RETREG1: variants seen among roughly 807,000 people sequenced by gnomAD.
RETREG1 encodes family with sequence similarity 134 member B.
A neutral mutation model predicts 54.8 loss-of-function variants in RETREG1; 44 were observed. The ratio of observed to expected loss-of-function variants is 0.80; its 90% confidence interval spans 0.63 to 1.03. The LOEUF (loss-of-function observed/expected upper bound fraction) is 1.03, where lower values mean the gene tolerates loss of function less well. RETREG1 is among the 50% of genes least tolerant of loss of function. The pLI, the probability that RETREG1 is intolerant of heterozygous loss-of-function variation, is 0.00. For missense variants in RETREG1, 554 were observed against 605.1 expected (o/e 0.92, Z 0.89); for synonymous variants, 217 against 238.5 (o/e 0.91, Z 0.83).
In RETREG1 at chr5:16,597,520, A is replaced by G. The variant is rs1358059698; in HGVS notation, c.320+19132T>C. ...CTTGGGGAGTCCAGGAGTCTCTCTCAGGATGGCATTCTGCACTGGGCAAGG... is the reference window on the plus strand; with the variant it reads ...CTTGGGGAGTCCAGGAGTCTCTCTCGGGATGGCATTCTGCACTGGGCAAGG... On this transcript the variant is annotated intron_variant, in intron 1 of 8. Transcript: ENST00000306320. The surrounding 1 kb of genome is among the most constrained non-coding windows in gnomAD (Gnocchi z 4.3). 6.6e-6 allele frequency among the ~76,000 whole-genome samples: 1 copy of G among 152,152 alleles called. No homozygotes were observed. The highest frequency in any genetic ancestry group is 1.5e-5 in the Non-Finnish European group (1 of 68,030).
At position 16,558,077 on chromosome 5, in the gene RETREG1, GA is replaced by G. The variant is rs540827628; in HGVS notation, c.458+7685del. 1.4e-3 allele frequency among the ~76,000 whole-genome samples: 214 copies of G among 151,788 alleles called. 1 individual carries two copies. The highest frequency in any genetic ancestry group is 2.2e-3 in the African/African-American group (92 of 41,412). Reference sequence around the variant, plus strand: ...AAACAAAAATTTTAAAAAGAAATAAGAAAAAAAATTAATGAAAAAAATAAAA... The same window carrying G: ...AAACAAAAATTTTAAAAAGAAATAAGAAAAAAATTAATGAAAAAAATAAAA... On this transcript the variant is annotated intron_variant, in intron 3 of 8. Coordinates refer to ENST00000306320, the MANE Select transcript of RETREG1 (RefSeq NM_001034850.3).
intron 1 of RETREG1, among the ~76,000 whole-genome samples, chr5:16,588,527 C>A (rs1742676801): frequency 6.6e-6 from 1 of 152,214 alleles, no homozygotes; most frequent in African/African-American, 2.4e-5. Context: ...CTGCCGGCCC[C>A]AAGGTCACTC....
At chr5:16,502,550 A>G (rs1470081623) in intron 3 of RETREG1, among the ~76,000 whole-genome samples, 1 of 152,270 alleles carries the variant, frequency 6.6e-6, no homozygotes, top group Non-Finnish European at 1.5e-5. Context: ...GCGAGAAAAA[A>G]GCAGCAGACA....
chr5:16,583,725 A>T (rs1742553479), intron 1 of RETREG1, among the ~76,000 whole-genome samples: 1 of 152,166 alleles, frequency 6.6e-6, no homozygotes, highest in Non-Finnish European at 1.5e-5. Flanking sequence ...ATGTGTAAAA[A>T]TCTAACCCTC....
intron 3 of RETREG1, among the ~76,000 whole-genome samples, chr5:16,527,944 G>A (rs1473964016): frequency 6.6e-6 from 1 of 151,114 alleles, no homozygotes; most frequent in African/African-American, 2.4e-5. Context: ...CGAGTAGCTG[G>A]GACTACAGAC....
At chr5:16,596,795 A>C (rs1269873322) in intron 1 of RETREG1, among the ~76,000 whole-genome samples, 4 of 152,180 alleles carry the variant, frequency 2.6e-5, no homozygotes, top group Admixed American at 2.6e-4. Flanking sequence ...CGTGACAAAG[A>C]AGCCCTGTGT....
intron 3 of RETREG1, among the ~76,000 whole-genome samples, chr5:16,534,176 A>T (rs1267512758): frequency 6.6e-6 from 1 of 152,088 alleles, no homozygotes; most frequent in Non-Finnish European, 1.5e-5. Flanking sequence ...TTGGCCGGGC[A>T]TGGTGGCTCA....
intron 3 of RETREG1, among the ~76,000 whole-genome samples, chr5:16,502,675 C>T (rs1017472243): frequency 1.2e-4 from 15 of 120,360 alleles, no homozygotes; most frequent in South Asian, 2.3e-4. Context: ...TTGATCTGTT[C>T]GCCATTATAT....
intron 3 of RETREG1, among the ~76,000 whole-genome samples, chr5:16,523,982 C>A (rs578250425): frequency 6.6e-6 from 1 of 152,134 alleles, no homozygotes; most frequent in Non-Finnish European, 1.5e-5. Flanking sequence ...TCTGCCTCAG[C>A]GCCCCTCTCT....
intron 3 of RETREG1, among the ~76,000 whole-genome samples, chr5:16,563,938 T>C (rs1741938848): frequency 6.6e-6 from 1 of 152,216 alleles, no homozygotes; most frequent in African/African-American, 2.4e-5. Flanking sequence ...ATCATATCCA[T>C]TGACAATATA....
intron 3 of RETREG1, among the ~76,000 whole-genome samples, chr5:16,556,124 TAGG>T (rs1741697518): frequency 1.3e-5 from 2 of 152,040 alleles, no homozygotes; most frequent in Non-Finnish European, 2.9e-5. Flanking sequence ...AGCAGCTGTG[TAGG>T]CCCAAGGCAC....
At chr5:16,525,354 C>T (rs1032859138) in intron 3 of RETREG1, among the ~76,000 whole-genome samples, 2 of 152,022 alleles carry the variant, frequency 1.3e-5, no homozygotes, top group Non-Finnish European at 2.9e-5. Flanking sequence ...TGCTGATCTG[C>T]GTCCTTCGAG....
chr5:16,488,564 G>A (rs12519984), intron 3 of RETREG1, among the ~76,000 whole-genome samples: 37,434 of 151,996 alleles, frequency 0.25, 5,309 homozygotes, highest in Admixed American at 0.43. Context: ...CTTCAGCTGA[G>A]GCTTTGCTGG....
At chr5:16,612,971 T>G (rs1194215529) in intron 1 of RETREG1, among the ~76,000 whole-genome samples, 1 of 152,252 alleles carries the variant, frequency 6.6e-6, no homozygotes, top group Non-Finnish European at 1.5e-5. Flanking sequence ...AAATTACATT[T>G]GTAAAATTCA....
intron 3 of RETREG1, among the ~76,000 whole-genome samples, chr5:16,504,055 C>T (rs1464488987): frequency 6.6e-6 from 1 of 152,166 alleles, no homozygotes; most frequent in East Asian, 1.9e-4. Context: ...CTCTCCCTCC[C>T]CCCAACCCAT....
At chr5:16,537,979 G>A (rs901168995) in intron 3 of RETREG1, among the ~76,000 whole-genome samples, 11 of 152,094 alleles carry the variant, frequency 7.2e-5, no homozygotes, top group South Asian at 2.1e-4. Flanking sequence ...TTTTAGAGGC[G>A]GAAGGAACTT....
chr5:16,529,580 A>T (rs1009502092), intron 3 of RETREG1, among the ~76,000 whole-genome samples: 1 of 152,158 alleles, frequency 6.6e-6, no homozygotes, highest in Non-Finnish European at 1.5e-5. Flanking sequence ...AACAAATCAG[A>T]AACACTGTTT....
At chr5:16,492,690 A>G (rs959123393) in intron 3 of RETREG1, among the ~76,000 whole-genome samples, 25 of 152,254 alleles carry the variant, frequency 1.6e-4, no homozygotes, top group African/African-American at 5.8e-4. Context: ...ACAGATTTTA[A>G]CATTTCTTAG....
chr5:16,581,741 A>G (rs905460026), intron 1 of RETREG1, among the ~76,000 whole-genome samples: 7 of 102,316 alleles, frequency 6.8e-5, no homozygotes, highest in African/African-American at 1.0e-4. Context: ...ATAACCAATT[A>G]AAAGAAAAAA....
Sources: gnomAD v4.1 joint callset for allele counts (sites outside exome capture counted in the v4.1 genomes callset) on GRCh38, gnomAD v4.1.1 for gene constraint, Gnocchi (gnomAD v3.1) non-coding constraint, MANE v1.5 for transcripts, NCBI Gene and HGNC (gene_info 2026-07-23, HGNC 2026-07-21) for gene names.